SGMS1: variants seen among roughly 807,000 people sequenced by gnomAD.
The protein encoded by SGMS1 is sphingomyelin synthase 1.
Under a neutral mutation model 46.2 loss-of-function variants are expected in SGMS1, and 13 were observed. The observed-to-expected ratio is 0.28, with a 90% CI of 0.18 to 0.45. The LOEUF (loss-of-function observed/expected upper bound fraction) is 0.45, where lower values mean the gene tolerates loss of function less well. SGMS1 is among the 20% of genes least tolerant of loss of function. The pLI, the probability that SGMS1 is intolerant of heterozygous loss-of-function variation, is 1.00. For synonymous variants in SGMS1, 203 were observed against 187.8 expected (o/e 1.08, Z -0.66); for missense variants, 324 against 519.9 (o/e 0.62, Z 3.66).
chr10:50,416,488 A>T (rs371044139), intron 6 of SGMS1, among the ~76,000 whole-genome samples: 10 of 152,334 alleles, frequency 6.6e-5, no homozygotes, highest in African/African-American at 2.4e-4. Context: ...TAAAATTCCA[A>T]ATTTAATTAT....
At position 50,416,837 on chromosome 10, in the gene SGMS1, T is replaced by TAAAAAAAAAA. The variant is rs36028635; in HGVS notation, c.-232+16629_-232+16638dup. On this transcript the variant is annotated intron_variant, in intron 6 of 10. Transcript: ENST00000361781. ...TCTAGGGAAGTTTCCTTTATAGAACTAAAAAAAAAAAAAAAAAAAAAGCCA... is the reference window on the plus strand; with the variant it reads ...TCTAGGGAAGTTTCCTTTATAGAACTAAAAAAAAAAAAAAAAAAAAAAAAAAAAAAAGCCA... Among the ~76,000 whole-genome samples the TAAAAAAAAAA allele has an allele frequency of 3.4e-5, 4 of 117,282 alleles. 1 individual carries two copies. The highest frequency in any genetic ancestry group is 8.7e-5 in the Admixed American group (1 of 11,442). The allele number at this position is 117,282 out of a possible 152,430, so 76.9% of individuals were successfully genotyped here. A position where few individuals can be genotyped will look rare whatever the true frequency, so the allele number is the denominator to read the frequency against.
At chr10:50,409,612 A>G (rs1238935440) in intron 6 of SGMS1, among the ~76,000 whole-genome samples, 1 of 152,242 alleles carries the variant, frequency 6.6e-6, no homozygotes, top group East Asian at 1.9e-4. Context: ...ACTTGGACAT[A>G]ATCAAAATAA....
chr10:50,473,341 C>A (rs182524423), intron 3 of SGMS1, among the ~76,000 whole-genome samples: 2 of 152,244 alleles, frequency 1.3e-5, no homozygotes, highest in East Asian at 3.9e-4. Flanking sequence ...CCTTTTGAAC[C>A]TGGATTCTTT....
rs969446972 is a variant in SGMS1, at chr10:50,436,229, C to T, written c.-312-2673G>A. Among the ~76,000 whole-genome samples, 14 of 152,252 alleles carry T rather than the reference C, an allele frequency of 9.2e-5. 1 individual carries two copies. The South Asian group carries it at 2.3e-3, about 25-fold the overall frequency. Reference sequence around the variant, plus strand: ...ACACCATTCTCCTGCCTCAACCTCCCGAGTAGCTGGGACTACAGGTGCCCG... The same window carrying T: ...ACACCATTCTCCTGCCTCAACCTCCTGAGTAGCTGGGACTACAGGTGCCCG... On this transcript the variant is annotated intron_variant, in intron 5 of 10. Coordinates refer to ENST00000361781, the MANE Select transcript of SGMS1 (RefSeq NM_147156.4).
intron 1 of SGMS1, among the ~76,000 whole-genome samples, chr10:50,595,706 G>A (rs574365604): frequency 6.6e-6 from 1 of 152,312 alleles, no homozygotes; most frequent in African/African-American, 2.4e-5. Flanking sequence ...CAGGGCTTGT[G>A]GTAGGCAAGT....
At chr10:50,600,005 A>G (rs1838634696) in intron 1 of SGMS1, among the ~76,000 whole-genome samples, 10 of 152,256 alleles carry the variant, frequency 6.6e-5, no homozygotes, top group Admixed American at 6.5e-4. Context: ...ATCTCTATCC[A>G]GAGTGGGCCT....
At chr10:50,495,515 G>A (rs1051455355) in intron 3 of SGMS1, among the ~76,000 whole-genome samples, 2 of 152,072 alleles carry the variant, frequency 1.3e-5, no homozygotes, top group Non-Finnish European at 2.9e-5. Context: ...GCTTTACACA[G>A]ACCAACAGTT....
Position 50,307,367 on chromosome 10 carries a change from T to C in SGMS1, c.1063-46A>G. The C allele has an allele frequency of 6.4e-7, 1 of 1,568,068 alleles. No homozygotes were observed. The highest frequency in any genetic ancestry group is 1.7e-4 in the Middle Eastern group (1 of 5,824). On this transcript the variant is annotated intron_variant, in intron 10 of 10. Transcript: ENST00000361781. This position sits in a 1 kb window ranked among gnomAD's most constrained non-coding sequence, Gnocchi z 4.2. ...AAACACATTTCTTACAATCTTTCAC[T>C]TTAAGTTCAAATACTTGCCACGCTA...
intron 6 of SGMS1, among the ~76,000 whole-genome samples, chr10:50,376,274 T>G (rs552189356): frequency 6.6e-6 from 1 of 152,264 alleles, no homozygotes; most frequent in East Asian, 1.9e-4. Context: ...TTGAAGTGAA[T>G]TACCTGTCAC....
chr10:50,452,988 G>A (rs1194016479), intron 5 of SGMS1, among the ~76,000 whole-genome samples: 1 of 152,232 alleles, frequency 6.6e-6, no homozygotes, highest in Non-Finnish European at 1.5e-5. Context: ...AGGCACCTGG[G>A]AGAAGCAAAT....
intron 2 of SGMS1, among the ~76,000 whole-genome samples, chr10:50,543,150 G>C (rs990741293): frequency 6.6e-6 from 1 of 152,150 alleles, no homozygotes; most frequent in Non-Finnish European, 1.5e-5. Context: ...ACATGTCAAG[G>C]CAAACTTAGA....
chr10:50,518,246 C>T (rs1414344185), intron 3 of SGMS1, among the ~76,000 whole-genome samples: 1 of 152,084 alleles, frequency 6.6e-6, no homozygotes, highest in Non-Finnish European at 1.5e-5. Flanking sequence ...TACTGACTGA[C>T]TTTAAAACTT....
chr10:50,564,356 T>A (rs573725965), intron 2 of SGMS1, among the ~76,000 whole-genome samples: 32 of 152,340 alleles, frequency 2.1e-4, no homozygotes, highest in African/African-American at 7.5e-4. Context: ...CACTTTGTGA[T>A]CATAAATTTG....
chr10:50,352,988 C>T (rs1319764010), intron 6 of SGMS1, among the ~76,000 whole-genome samples: 4 of 152,184 alleles, frequency 2.6e-5, no homozygotes, highest in East Asian at 1.9e-4. Context: ...GATGGATTCA[C>T]AGCCGAATTC....
At chr10:50,344,390 A>C in intron 6 of SGMS1, 45 bp from the exon 7 acceptor site, 1 of 391,736 alleles carries the variant, frequency 2.6e-6, no homozygotes, top group Non-Finnish European at 4.6e-6. Context: ...CTTCCAAATT[A>C]CCCCTCTCAA....
chr10:50,604,477 C>T (rs534600864), intron 1 of SGMS1, among the ~76,000 whole-genome samples: 54 of 152,340 alleles, frequency 3.5e-4, no homozygotes, highest in African/African-American at 1.3e-3. Flanking sequence ...ACGTCTGATA[C>T]AGTGCCAGGT....
chr10:50,531,979 T>A (rs1837957337), intron 2 of SGMS1, among the ~76,000 whole-genome samples: 1 of 152,204 alleles, frequency 6.6e-6, no homozygotes, highest in South Asian at 2.1e-4. Context: ...GGCTTGGGAC[T>A]GAATTATTTA....
intron 7 of SGMS1, among the ~76,000 whole-genome samples, chr10:50,328,822 A>C (rs901794344): frequency 1.3e-5 from 2 of 152,246 alleles, no homozygotes; most frequent in East Asian, 3.8e-4. Context: ...ACAATTAAAT[A>C]ATATAAAGAG....
At chr10:50,575,968 C>T (rs1838381572) in intron 2 of SGMS1, among the ~76,000 whole-genome samples, 1 of 152,176 alleles carries the variant, frequency 6.6e-6, no homozygotes, top group African/African-American at 2.4e-5. Context: ...GCCCCATTCA[C>T]ATCCTGCCTG....
Sources: gnomAD v4.1 joint callset for allele counts (sites outside exome capture counted in the v4.1 genomes callset) on GRCh38, gnomAD v4.1.1 for gene constraint, Gnocchi (gnomAD v3.1) non-coding constraint, MANE v1.5 for transcripts, NCBI Gene and HGNC (gene_info 2026-07-23, HGNC 2026-07-21) for gene names.